The following CSMD1 variants were observed in gnomAD, a reference collection of about 807,000 sequenced individuals.
The protein encoded by CSMD1 is CUB and sushi domain-containing protein 1.
A neutral mutation model predicts 417.5 loss-of-function variants in CSMD1; 213 were observed. The observed-to-expected ratio is 0.51, with a 90% CI of 0.46 to 0.57. The LOEUF is 0.57. CSMD1 is among the 20% of genes least tolerant of loss of function. The pLI is 0.00. For synonymous variants in CSMD1, 2,862 were observed against 1,736.8 expected (o/e 1.65, Z -16.11); for missense variants, 6,923 against 4,529.7 (o/e 1.53, Z -15.17).
chr8:4,803,239 T>A (rs1798403483), intron 1 of CSMD1, among the ~76,000 whole-genome samples: 2 of 152,188 alleles, frequency 1.3e-5, no homozygotes, highest in Non-Finnish European at 2.9e-5. Flanking sequence ...GAATATAAAT[T>A]CATGGTTTAT....
At chr8:4,179,972 T>A (rs992554130) in intron 3 of CSMD1, among the ~76,000 whole-genome samples, 1 of 152,068 alleles carries the variant, frequency 6.6e-6, no homozygotes, top group Non-Finnish European at 1.5e-5. Context: ...ACTTTTACAC[T>A]GTTAGTGGGA....
chr8:3,354,731 T>G (rs542721924), intron 21 of CSMD1, among the ~76,000 whole-genome samples: 1 of 151,664 alleles, frequency 6.6e-6, no homozygotes, highest in South Asian at 2.1e-4. Flanking sequence ...TTGTTTCAAT[T>G]TTTTAACCCA....
At chr8:3,754,693 G>T (rs550459860) in intron 5 of CSMD1, among the ~76,000 whole-genome samples, 1 of 152,204 alleles carries the variant, frequency 6.6e-6, no homozygotes, top group African/African-American at 2.4e-5. Context: ...GACCTCAGGT[G>T]ATCTGCCTGC....
chr8:3,158,893 G>T (rs969273866), intron 38 of CSMD1, among the ~76,000 whole-genome samples: 1 of 152,056 alleles, frequency 6.6e-6, no homozygotes, highest in African/African-American at 2.4e-5. Context: ...CACTGGGAAC[G>T]CATCAAACAA....
chr8:4,330,732 G>T (rs112640269), intron 3 of CSMD1, among the ~76,000 whole-genome samples: 15 of 152,088 alleles, frequency 9.9e-5, no homozygotes, highest in African/African-American at 3.6e-4. Context: ...TCAAGTTCGT[G>T]ACTTATCTGC....
At chr8:3,446,157 G>A (rs1815293398) in intron 12 of CSMD1, among the ~76,000 whole-genome samples, 1 of 152,156 alleles carries the variant, frequency 6.6e-6, no homozygotes, top group Non-Finnish European at 1.5e-5. Context: ...AAATTGCCAT[G>A]GCCCCAGGGA....
intron 5 of CSMD1, among the ~76,000 whole-genome samples, chr8:3,915,449 G>GGA (rs1003780149): frequency 3.3e-5 from 5 of 150,138 alleles, no homozygotes; most frequent in Admixed American, 2.0e-4. Flanking sequence ...TAGTAGGTTC[G>GGA]GAAGATCACT....
chr8:3,298,421 T>A (rs1053951436), intron 25 of CSMD1, among the ~76,000 whole-genome samples: 2 of 151,976 alleles, frequency 1.3e-5, no homozygotes, highest in African/African-American at 2.4e-5. Flanking sequence ...ATTGAGGAAA[T>A]GAAGTGAGAC....
chr8:3,150,252 T>G (rs551993482), intron 40 of CSMD1, among the ~76,000 whole-genome samples: 1 of 152,180 alleles, frequency 6.6e-6, no homozygotes, highest in Non-Finnish European at 1.5e-5. Flanking sequence ...AGTCTCTCCC[T>G]TCCTTGACCA....
intron 26 of CSMD1, among the ~76,000 whole-genome samples, chr8:3,251,291 G>A (rs926539170): frequency 1.3e-5 from 2 of 152,166 alleles, no homozygotes; most frequent in Admixed American, 1.3e-4. Context: ...TGGCTAGCCA[G>A]TTTTCCCAGC....
At position 4,189,068 on chromosome 8, in the gene CSMD1, T is replaced by C. The variant is rs1027601029; in HGVS notation, c.416-156969A>G. 1.2e-4 allele frequency among the ~76,000 whole-genome samples: 18 copies of C among 152,188 alleles called. 1 individual carries two copies. The highest frequency in any genetic ancestry group is 2.2e-4 in the Non-Finnish European group (15 of 68,040). ...TTTTATTTGTTATAAGAGTGAAAGT[T>C]AATTATCTAGTAATGAAAATACATG... On this transcript the variant is annotated intron_variant, in intron 3 of 69. Transcript: ENST00000635120.
intron 5 of CSMD1, among the ~76,000 whole-genome samples, chr8:3,757,869 A>AAAC (rs1237192649): frequency 6.6e-6 from 1 of 150,448 alleles, no homozygotes; most frequent in African/African-American, 2.4e-5. Context: ...ACAAACAAAC[A>AAAC]AAAAAAACCA....
chr8:4,264,394 T>G (rs1430780329), intron 3 of CSMD1, among the ~76,000 whole-genome samples: 2 of 152,152 alleles, frequency 1.3e-5, no homozygotes, highest in African/African-American at 4.8e-5. Context: ...ACAAGAAACA[T>G]CCACAGAGGT....
At chr8:4,710,766 A>C (rs1372269281) in intron 1 of CSMD1, among the ~76,000 whole-genome samples, 2 of 151,506 alleles carry the variant, frequency 1.3e-5, no homozygotes, top group African/African-American at 4.8e-5. Context: ...AAATGCTTGA[A>C]CCCGGGAGGT....
intron 5 of CSMD1, among the ~76,000 whole-genome samples, chr8:3,876,073 CTTG>C (rs1187581087): frequency 1.3e-5 from 2 of 151,904 alleles, no homozygotes; most frequent in African/African-American, 2.4e-5. Context: ...TTGAAATATA[CTTG>C]TTGTCTTTTC....
chr8:3,553,756 T>C (rs745586458), intron 10 of CSMD1, among the ~76,000 whole-genome samples: 18 of 152,278 alleles, frequency 1.2e-4, no homozygotes, highest in South Asian at 2.1e-4. Context: ...AATTAATAAA[T>C]CTAGAGAGAT....
intron 5 of CSMD1, among the ~76,000 whole-genome samples, chr8:3,850,420 C>G (rs567782973): frequency 7.6e-4 from 115 of 152,310 alleles, no homozygotes; most frequent in African/African-American, 2.7e-3. Context: ...TTAAGCCTGG[C>G]ATGGTGGCTC....
chr8:3,465,845 G>T (rs1170681918), intron 12 of CSMD1, among the ~76,000 whole-genome samples: 1 of 152,142 alleles, frequency 6.6e-6, no homozygotes, highest in Non-Finnish European at 1.5e-5. Flanking sequence ...TAGTCTGAGG[G>T]ACTGACTGTG....
chr8:4,195,691 C>T (rs1255743651), intron 3 of CSMD1, among the ~76,000 whole-genome samples: 1 of 152,098 alleles, frequency 6.6e-6, no homozygotes. Flanking sequence ...TGAAGAATTC[C>T]ACGCAGGGAG....
Sources: allele counts gnomAD v4.1 joint callset (sites outside exome capture counted in the v4.1 genomes callset), GRCh38; gene constraint gnomAD v4.1.1; transcripts MANE v1.5; gene names NCBI Gene and HGNC (gene_info 2026-07-23, HGNC 2026-07-21).